SH3GL1: variants seen among roughly 807,000 people sequenced by gnomAD.
SH3GL1 encodes the protein endophilin-A2.
In SH3GL1, 21 loss-of-function variants were observed where a neutral mutation model predicts 48.8. The ratio of observed to expected loss-of-function variants is 0.43; its 90% CI spans 0.30 to 0.62. The LOEUF is 0.62. Among genes scored for constraint, SH3GL1 ranks in the 20% least tolerant of loss-of-function variants. The pLI is 0.11. For missense variants in SH3GL1, 454 were observed against 503.0 expected (o/e 0.90, Z 0.93); for synonymous variants, 282 against 217.5 (o/e 1.30, Z -2.61).
At chr19:4,394,689 G>A (rs1203497578) in intron 1 of SH3GL1, among the ~76,000 whole-genome samples, 2 of 152,130 alleles carry the variant, frequency 1.3e-5, no homozygotes, top group African/African-American at 4.8e-5. Context: ...TAGAAAGTAA[G>A]TTTATCTTTT....
chr19:4,362,753 G>GT lies in SH3GL1; in HGVS notation c.729-18dup. ...TCCCGCATCCTGTGAAGGGAGAGGC[G>GT]TGAGTGGACCGAGCCCGTGTCACGG... On this transcript the variant is annotated splice_polypyrimidine_tract_variant and intron_variant, in intron 7 of 9. Transcript: ENST00000269886. The GT allele has an allele frequency of 1.9e-6, 3 of 1,613,566 alleles. No homozygotes were observed. The highest frequency in any genetic ancestry group is 1.7e-4 in the Middle Eastern group (1 of 6,056).
intron 1 of SH3GL1, among the ~76,000 whole-genome samples, chr19:4,375,075 G>A (rs193075936): frequency 7.2e-5 from 11 of 152,270 alleles, no homozygotes; most frequent in Admixed American, 3.9e-4. Context: ...TGCTCCCCTC[G>A]GGCACCTACG....
At chr19:4,369,750 T>C (rs2144875441) in intron 1 of SH3GL1, among the ~76,000 whole-genome samples, 1 of 152,358 alleles carries the variant, frequency 6.6e-6, no homozygotes, top group Admixed American at 6.5e-5. Flanking sequence ...CCCGGGAGGC[T>C]GTGCCCTAAC....
At chr19:4,362,294 A>T (rs1303165939) in intron 9 of SH3GL1, 35 bp downstream of exon 9, 1 of 1,601,552 alleles carries the variant, frequency 6.2e-7, no homozygotes. Context: ...CCGAGAAGGC[A>T]GCACTGAGGT....
intron 1 of SH3GL1, among the ~76,000 whole-genome samples, chr19:4,397,322 G>C (rs1568423730): frequency 1.3e-5 from 2 of 152,212 alleles, no homozygotes; most frequent in Admixed American, 1.3e-4. Context: ...TGTGGAAATA[G>C]GCAATCCTAA....
chr19:4,386,561 C>T (rs243406), intron 1 of SH3GL1, among the ~76,000 whole-genome samples: 47,716 of 144,620 alleles, frequency 0.33, 8,192 homozygotes, highest in East Asian at 0.6. Flanking sequence ...AGATCTCAAA[C>T]TCCCGGGCTC....
At chr19:4,370,390 C>A (rs1972873952) in intron 1 of SH3GL1, among the ~76,000 whole-genome samples, 1 of 152,234 alleles carries the variant, frequency 6.6e-6, no homozygotes, top group Non-Finnish European at 1.5e-5. Flanking sequence ...CCTGTTCCCA[C>A]CCCGCATGGC....
At chr19:4,365,357 G>A in intron 4 of SH3GL1, 125 bp downstream of exon 4, 1 of 1,316,614 alleles carries the variant, frequency 7.6e-7, no homozygotes, top group Non-Finnish European at 1.1e-6. Context: ...CTCTGCAGCT[G>A]GAAAGCTGTG....
intron 1 of SH3GL1, among the ~76,000 whole-genome samples, chr19:4,383,110 G>T (rs1009844848): frequency 6.6e-6 from 1 of 151,928 alleles, no homozygotes; most frequent in Non-Finnish European, 1.5e-5. Flanking sequence ...TAGAGGCAGG[G>T]TTTCACCATG....
intron 1 of SH3GL1, among the ~76,000 whole-genome samples, chr19:4,377,419 T>C (rs1448993312): frequency 5.9e-5 from 9 of 152,230 alleles, no homozygotes; most frequent in Admixed American, 1.3e-4. Flanking sequence ...CCTCTGCCTA[T>C]CTGGCACACT....
Position 4,400,450 on chromosome 19 carries a change from G to A in SH3GL1, c.-82C>T, listed in dbSNP as rs956020736. The stretch of plus-strand genomic sequence containing the variant: ...CGCCGCCGACCCTCTGCGCGCCTCA[G>A]CAGTCCCCGTCGGCGCCGCCTCCGC... On this transcript the variant is annotated 5_prime_UTR_variant, in exon 1 of 10. Transcript: ENST00000269886. This position sits in a 1 kb window ranked among gnomAD's most constrained non-coding sequence, Gnocchi z 4.1. The A allele has an allele frequency of 1.6e-6, 2 of 1,253,178 alleles. No homozygotes were observed. The highest frequency in any genetic ancestry group is 2.0e-6 in the Non-Finnish European group (2 of 989,292). 77.6% of individuals were successfully genotyped at this position (1,253,178 alleles called of 1,614,324 possible). A position where few individuals can be genotyped will look rare whatever the true frequency, so the allele number is the denominator to read the frequency against.
chr19:4,365,032 G>A (rs1239860764), intron 4 of SH3GL1, among the ~76,000 whole-genome samples: 2 of 151,866 alleles, frequency 1.3e-5, no homozygotes. Context: ...TGGGATTACA[G>A]GCATGAGCCA....
chr19:4,381,014 T>C (rs2144898841), intron 1 of SH3GL1, among the ~76,000 whole-genome samples: 2 of 151,948 alleles, frequency 1.3e-5, no homozygotes, highest in East Asian at 3.9e-4. Flanking sequence ...AAAAAACAAC[T>C]CTGTTTCCCC....
At position 4,376,861 on chromosome 19, in the gene SH3GL1, C is replaced by T. The variant is rs115417138; in HGVS notation, c.46-9867G>A. On this transcript the variant is annotated intron_variant, in intron 1 of 9. Transcript: ENST00000269886. The surrounding 1 kb of genome is among the most constrained non-coding windows in gnomAD (Gnocchi z 4.3). Reference sequence around the variant, plus strand: ...TCCCGTCTCAGACACAGGAAGCACTCTCCAATGCTTAGCGCCCTAGAATAA... The same window carrying T: ...TCCCGTCTCAGACACAGGAAGCACTTTCCAATGCTTAGCGCCCTAGAATAA... Among the ~76,000 whole-genome samples, 839 of 152,334 alleles carry T rather than the reference C, an allele frequency of 5.5e-3. 6 individuals are homozygous for T. Among genetic ancestry groups the T allele is most frequent in the African/African-American group, 0.019 (800 of 41,560 alleles).
intron 1 of SH3GL1, among the ~76,000 whole-genome samples, chr19:4,375,451 A>C (rs1972988827): frequency 6.6e-6 from 1 of 152,230 alleles, no homozygotes; most frequent in African/African-American, 2.4e-5. Context: ...CTGGGCGAGG[A>C]ATCTGGGAGC....
chr19:4,372,179 T>G (rs566691199), intron 1 of SH3GL1, among the ~76,000 whole-genome samples: 1 of 151,926 alleles, frequency 6.6e-6, no homozygotes, highest in Non-Finnish European at 1.5e-5. Flanking sequence ...CTGGGGACCA[T>G]AGGAGGGGGT....
At chr19:4,385,537 C>T (rs747575480) in intron 1 of SH3GL1, among the ~76,000 whole-genome samples, 8 of 152,166 alleles carry the variant, frequency 5.3e-5, no homozygotes, top group Admixed American at 2.0e-4. Flanking sequence ...TTTCTCCTGC[C>T]CTCCCTCCCA....
At chr19:4,382,994 C>A (rs1388204341) in intron 1 of SH3GL1, among the ~76,000 whole-genome samples, 1 of 152,226 alleles carries the variant, frequency 6.6e-6, no homozygotes, top group African/African-American at 2.4e-5. Context: ...TCTTGGCTCA[C>A]TGCAACCTCT....
At chr19:4,375,269 C>T (rs1972984752) in intron 1 of SH3GL1, among the ~76,000 whole-genome samples, 1 of 152,168 alleles carries the variant, frequency 6.6e-6, no homozygotes, top group Non-Finnish European at 1.5e-5. Context: ...GGGCAGATGT[C>T]TCCACTTGAT....
Sources: gnomAD v4.1 joint callset for allele counts (sites outside exome capture counted in the v4.1 genomes callset) on GRCh38, gnomAD v4.1.1 for gene constraint, Gnocchi (gnomAD v3.1) non-coding constraint, MANE v1.5 for transcripts, NCBI Gene and HGNC (gene_info 2026-07-23, HGNC 2026-07-21) for gene names.